Variants in DACH1 observed in about 807,000 individuals in gnomAD.
DACH1 encodes the protein dachshund family transcription factor 1, also known as dachshund homolog 1.
Under a neutral mutation model 54.2 loss-of-function variants are expected in DACH1, and 12 were observed. That is an observed-to-expected ratio of 0.22 (90% CI 0.14 to 0.36). The LOEUF (loss-of-function observed/expected upper bound fraction) is 0.36, where lower values mean the gene tolerates loss of function less well. DACH1 is among the 10% of genes least tolerant of loss of function. The pLI is 1.00. For synonymous variants in DACH1, 386 were observed against 366.2 expected, an observed-to-expected ratio of 1.05 and a Z score of -0.62; for missense variants, 805 against 929.8, an observed-to-expected ratio of 0.87 and a Z score of 1.75.
At chr13:71,832,943 A>C (rs140681799) in intron 1 of DACH1, among the ~76,000 whole-genome samples, 1 of 151,752 alleles carries the variant, frequency 6.6e-6, no homozygotes, top group East Asian at 1.9e-4. Flanking sequence ...GAAGACAATT[A>C]AGTAAAACAA....
intron 6 of DACH1, among the ~76,000 whole-genome samples, chr13:71,540,143 G>A (rs1283184086): frequency 1.3e-5 from 2 of 151,536 alleles, no homozygotes; most frequent in Admixed American, 6.6e-5. Flanking sequence ...ATTAGATTCA[G>A]TATTATGGCC....
chr13:71,546,609 A>G (rs1446614982), intron 6 of DACH1, among the ~76,000 whole-genome samples: 3 of 151,982 alleles, frequency 2.0e-5, no homozygotes, highest in Non-Finnish European at 4.4e-5. Context: ...AATTACTTTT[A>G]AAAAGCATTT....
At chr13:71,477,772 A>G (rs1487375886) in intron 8 of DACH1, among the ~76,000 whole-genome samples, 3 of 152,140 alleles carry the variant, frequency 2.0e-5, no homozygotes, top group African/African-American at 7.2e-5. Flanking sequence ...GTTTCCTCCT[A>G]CATGATTGAA....
At chr13:71,682,317 A>G (rs1276683032) in intron 1 of DACH1, among the ~76,000 whole-genome samples, 3 of 152,222 alleles carry the variant, frequency 2.0e-5, no homozygotes, top group Non-Finnish European at 2.9e-5. Context: ...CTTGTAATGA[A>G]TGATATTTTA....
At chr13:71,554,126 G>T (rs1275976531) in intron 6 of DACH1, among the ~76,000 whole-genome samples, 1 of 151,908 alleles carries the variant, frequency 6.6e-6, no homozygotes, top group East Asian at 1.9e-4. Context: ...TGAGGCCCAT[G>T]AAAATTTTGT....
intron 6 of DACH1, among the ~76,000 whole-genome samples, chr13:71,547,102 C>T (rs886215491): frequency 2.2e-4 from 33 of 151,914 alleles, no homozygotes; most frequent in Admixed American, 1.7e-3. Flanking sequence ...AACCTTCAAA[C>T]GAAAAAACTA....
chr13:71,571,208 C>G (rs1354595919), intron 4 of DACH1, among the ~76,000 whole-genome samples: 2 of 151,914 alleles, frequency 1.3e-5, no homozygotes, highest in African/African-American at 4.8e-5. Flanking sequence ...GTAATCACGA[C>G]CAGATTTTTT....
At chr13:71,682,323 T>G (rs931885362) in intron 1 of DACH1, among the ~76,000 whole-genome samples, 1 of 152,228 alleles carries the variant, frequency 6.6e-6, no homozygotes, top group African/African-American at 2.4e-5. Context: ...ATGAATGATA[T>G]TTTAAGGTTC....
rs546993781 is a variant in DACH1, at chr13:71,528,675, C to T, written c.1570+28349G>A. On this transcript the variant is annotated intron_variant, in intron 6 of 10. Coordinates refer to ENST00000613252, the MANE Select transcript of DACH1 (RefSeq NM_080759.6). Reference sequence around the variant, plus strand: ...TCGATCTCCTGACCTCGTGATCCACCGGGCCGGAAAAACAGATTTTAACAT... The same window carrying T: ...TCGATCTCCTGACCTCGTGATCCACTGGGCCGGAAAAACAGATTTTAACAT... 2.6e-4 allele frequency among the ~76,000 whole-genome samples: 40 copies of T among 151,884 alleles called. No individual in the cohort carries two copies. The East Asian group carries it at 6.2e-3, about 24-fold the overall frequency.
intron 6 of DACH1, among the ~76,000 whole-genome samples, chr13:71,502,790 G>A (rs924962863): frequency 7.2e-5 from 11 of 152,096 alleles, no homozygotes; most frequent in Admixed American, 1.3e-4. Context: ...CCAAATCACC[G>A]TCTTTCAGTA....
intron 5 of DACH1, among the ~76,000 whole-genome samples, chr13:71,559,428 T>C (rs1485286097): frequency 6.6e-6 from 1 of 152,144 alleles, no homozygotes; most frequent in Non-Finnish European, 1.5e-5. Flanking sequence ...GGATAAAATT[T>C]AAAAGTCAGT....
chr13:71,741,290 G>T (rs1330504354), intron 1 of DACH1, among the ~76,000 whole-genome samples: 1 of 152,116 alleles, frequency 6.6e-6, no homozygotes, highest in African/African-American at 2.4e-5. Flanking sequence ...ATTGGGAAAA[G>T]AGAAGAAAAG....
At chr13:71,648,642 C>T (rs1003266596) in intron 2 of DACH1, among the ~76,000 whole-genome samples, 5 of 152,106 alleles carry the variant, frequency 3.3e-5, no homozygotes, top group South Asian at 2.1e-4. Context: ...CCCTCTCAGT[C>T]GTTAGATAGA....
chr13:71,496,244 A>G (rs1206728692), intron 6 of DACH1, among the ~76,000 whole-genome samples: 1 of 134,178 alleles, frequency 7.5e-6, no homozygotes, highest in African/African-American at 2.8e-5. Flanking sequence ...TCTCCCAAAA[A>G]ACAAAAAAAT....
At chr13:71,635,551 A>G (rs1225568124) in intron 2 of DACH1, among the ~76,000 whole-genome samples, 4 of 152,238 alleles carry the variant, frequency 2.6e-5, no homozygotes, top group Non-Finnish European at 1.5e-5. Context: ...TTTGGTCTAT[A>G]CTAAATAGAG....
intron 3 of DACH1, among the ~76,000 whole-genome samples, chr13:71,601,349 C>T (rs74096966): frequency 1.5e-3 from 229 of 151,996 alleles, no homozygotes; most frequent in African/African-American, 5.4e-3. Flanking sequence ...CAGAAATATT[C>T]GTCCCTTTTT....
chr13:71,840,467 A>G (rs1042955666), intron 1 of DACH1, among the ~76,000 whole-genome samples: 1 of 152,148 alleles, frequency 6.6e-6, no homozygotes, highest in African/African-American at 2.4e-5. Context: ...GCCGGTTCCT[A>G]TATTTCAAGA....
intron 3 of DACH1, among the ~76,000 whole-genome samples, chr13:71,617,271 A>G (rs1227089311): frequency 6.6e-6 from 1 of 152,190 alleles, no homozygotes; most frequent in Non-Finnish European, 1.5e-5. Context: ...GTTTTGACAA[A>G]TTAGGGAATA....
In DACH1 at chr13:71,730,370, T is replaced by TA. The variant is rs530374223; in HGVS notation, c.849-48461dup. 1.6e-3 allele frequency among the ~76,000 whole-genome samples: 238 copies of TA among 152,282 alleles called. 1 individual carries two copies. The highest frequency in any genetic ancestry group is 5.1e-3 in the African/African-American group (210 of 41,582). Reference sequence around the variant, plus strand: ...AAACTATTTACACATTTCTTTTTCCTAGATTAAAAGCTAAGTACAGAGAAG... The same window carrying TA: ...AAACTATTTACACATTTCTTTTTCCTAAGATTAAAAGCTAAGTACAGAGAAG... On this transcript the variant is annotated intron_variant, in intron 1 of 10. Coordinates refer to ENST00000613252, the MANE Select transcript of DACH1 (RefSeq NM_080759.6).
Sources: gnomAD v4.1 joint callset for allele counts (sites outside exome capture counted in the v4.1 genomes callset) on GRCh38, gnomAD v4.1.1 for gene constraint, MANE v1.5 for transcripts, NCBI Gene and HGNC (gene_info 2026-07-23, HGNC 2026-07-21) for gene names.